Variants in UVSSA observed in about 807,000 individuals in gnomAD.
UVSSA encodes UV stimulated scaffold protein A, also known as UV-stimulated scaffold protein A.
A neutral mutation model predicts 73.9 loss-of-function variants in UVSSA; 72 were observed. The observed-to-expected ratio is 0.97, with a 90% CI of 0.81 to 1.19. UVSSA has a LOEUF of 1.19. UVSSA is among the 50% of genes most tolerant of loss of function. The pLI is 0.00. For synonymous variants in UVSSA, 454 were observed against 391.3 expected (o/e 1.16, Z -1.89); for missense variants, 1,150 against 965.0 (o/e 1.19, Z -2.54).
At position 1,351,840 on chromosome 4, in the gene UVSSA, G is replaced by C; in HGVS notation, c.550+5G>C. 1 of 1,612,728 alleles carries C rather than the reference G, an allele frequency of 6.2e-7. No individual in the cohort carries two copies. The highest frequency in any genetic ancestry group is 8.5e-7 in the Non-Finnish European group (1 of 1,179,260). On this transcript the variant is annotated splice_donor_5th_base_variant and intron_variant, in intron 4 of 13. Coordinates refer to ENST00000389851, the MANE Select transcript of UVSSA (RefSeq NM_020894.4). Reference sequence around the variant, plus strand: ...AGGCGGAGAGGGAGATGCAAGGCAAGTGTCCAGGACGGAGGGAGGGGCCCA... The same window carrying C: ...AGGCGGAGAGGGAGATGCAAGGCAACTGTCCAGGACGGAGGGAGGGGCCCA...
chr4:1,355,261 G>A lies in UVSSA; in HGVS notation c.1176+16G>A, dbSNP rs745412314. On this transcript the variant is annotated intron_variant, in intron 7 of 13. Transcript: ENST00000389851. The stretch of plus-strand genomic sequence containing the variant: ...AAGGCGCAGGGTGAGTGGGCAGGCG[G>A]CGAGCGGGAAGGGGTCCCAGAGGCC... 1.9e-6 allele frequency: 3 copies of A among 1,601,340 alleles called. No homozygotes were observed. The highest frequency in any genetic ancestry group is 3.5e-5 in the Admixed American group (2 of 57,936).
rs1294141604 is a variant in UVSSA at position 1,355,133 on chromosome 4, G to T, written c.1064G>T (p.Gly355Val). Reference sequence around the variant, plus strand: ...GTTTCGCAGCGCTTCACCCGCGTCGGGACCCACGGTGGATGTTTAAAGCGT... The same window carrying T: ...GTTTCGCAGCGCTTCACCCGCGTCGTGACCCACGGTGGATGTTTAAAGCGT... ...CSWIQRFTRV[G>V]THGGCLKRAI... The change falls in exon 7 of 14, where the codon GGG becomes GTG. Residue 355 changes from glycine (G) to valine (V), a missense_variant. Physicochemically the swap from Gly to Val is moderately radical, Grantham distance 109. Transcript: ENST00000389851. 1.2e-6 allele frequency: 2 copies of T among 1,613,766 alleles called. No homozygotes were observed. The highest frequency in any genetic ancestry group is 1.7e-6 in the Non-Finnish European group (2 of 1,179,898).
chr4:1,354,332 G>A (rs1715307217), intron 5 of UVSSA, among the ~76,000 whole-genome samples: 1 of 152,136 alleles, frequency 6.6e-6, no homozygotes, highest in African/African-American at 2.4e-5. Context: ...GCGGAGGAGA[G>A]GCCGGGGGGG....
In UVSSA at chr4:1,387,331, C is replaced by T. The variant is rs1287420982; in HGVS notation, c.*1370C>T. The T allele has an allele frequency of 6.6e-6, 1 of 152,196 alleles. No individual in the cohort carries two copies. The highest frequency in any genetic ancestry group is 2.4e-5 in the African/African-American group (1 of 41,428). The allele number at this position is 152,196 out of a possible 1,614,324, so 9.4% of individuals were successfully genotyped here. On this transcript the variant is annotated 3_prime_UTR_variant, in exon 14 of 14. Transcript: ENST00000389851. ...GACCTCGTGATCCACCCACCTCGGCCTCCCATAGTGCTGGGATTACAGGTG... is the reference window on the plus strand; with the variant it reads ...GACCTCGTGATCCACCCACCTCGGCTTCCCATAGTGCTGGGATTACAGGTG...
chr4:1,352,635 G>T (rs568380565), intron 4 of UVSSA, among the ~76,000 whole-genome samples: 162 of 152,364 alleles, frequency 1.1e-3, no homozygotes, highest in Non-Finnish European at 1.8e-3. Context: ...TGCTGAGCTG[G>T]GTGCTCTAGT....
At chr4:1,390,650 T>C (rs1720390344), downstream of UVSSA, 1 of 152,316 alleles carries the variant, frequency 6.6e-6, no homozygotes, top group Admixed American at 6.5e-5. Context: ...TCTCGTCTTT[T>C]ATATGTATTG....
At chr4:1,385,335 C>T in intron 13 of UVSSA, 2 of 159,774 alleles carry the variant, frequency 1.3e-5, no homozygotes, top group South Asian at 3.7e-4. Context: ...TCCACAGCTC[C>T]ACACCCTCGT....
At chr4:1,358,427 A>T (rs931328599) in intron 7 of UVSSA, 1 of 152,382 alleles carries the variant, frequency 6.6e-6, no homozygotes, top group East Asian at 1.9e-4. Flanking sequence ...AGTTGAATGG[A>T]CACTTTCTAG....
rs145575243 is a variant in UVSSA, at chr4:1,387,679, C to T, written c.*1718C>T. 6.6e-5 allele frequency: 10 copies of T among 152,300 alleles called. No homozygotes were observed. The East Asian group carries it at 1.2e-3, about 18-fold the overall frequency. The allele number at this position is 152,300 out of a possible 1,614,324, so 9.4% of individuals were successfully genotyped here. On this transcript the variant is annotated 3_prime_UTR_variant, in exon 14 of 14. Transcript: ENST00000389851. ...GCATGTGGATATCCAGTTGTCCCAG[C>T]ACCATTTGTTGAAAACATTATTTTT... is the stretch of plus-strand genomic sequence containing the variant.
Position 1,395,525 on chromosome 4 carries a change from T to C in UVSSA, c.*9564T>C, listed in dbSNP as rs1577397665. On this transcript the variant is annotated 3_prime_UTR_variant, in exon 14 of 14. Coordinates refer to the UVSSA transcript ENST00000511216. ...CCGCCTGCTCACACACATGCCGATG[T>C]GGAGTGCCCGCCTGCTCACACGTGC... 1 of 1,589,256 alleles carries C rather than the reference T, an allele frequency of 6.3e-7. No individual in the cohort carries two copies. The highest frequency in any genetic ancestry group is 8.5e-7 in the Non-Finnish European group (1 of 1,171,342).
intron 3 of UVSSA, among the ~76,000 whole-genome samples, chr4:1,350,147 G>A (rs1714473384): frequency 2.6e-5 from 4 of 152,188 alleles, no homozygotes; most frequent in Non-Finnish European, 2.9e-5. Flanking sequence ...AGGAGACAAA[G>A]GAAAAGCCAA....
At chr4:1,388,609 C>T (rs1181645548), downstream of UVSSA, 1 of 152,012 alleles carries the variant, frequency 6.6e-6, no homozygotes, top group Non-Finnish European at 1.5e-5. Flanking sequence ...TGTGTAGATG[C>T]TTCTATCAGG....
rs1198959272 is a variant in UVSSA at position 1,349,746 on chromosome 4, G to A, written c.321G>A (p.Gln107=). ...TGCCGCCCCCCAGGGAGGCGGCACAGAGGCTGAGGCAGGCGACCACCCGGG... is the reference window on the plus strand; with the variant it reads ...TGCCGCCCCCCAGGGAGGCGGCACAAAGGCTGAGGCAGGCGACCACCCGGG... ...QPLPPPREAA[Q]RLRQATTRAV... Residue 107 remains glutamine, a synonymous_variant, in exon 3 of 14, where the codon CAG becomes CAA. Transcript: ENST00000389851. 3.1e-6 allele frequency: 5 copies of A among 1,611,464 alleles called. No homozygotes were observed. The highest frequency in any genetic ancestry group is 1.3e-5 in the African/African-American group (1 of 74,678).
upstream of UVSSA, among the ~76,000 whole-genome samples, chr4:1,346,455 C>G (rs1447172379): frequency 6.6e-6 from 1 of 152,228 alleles, no homozygotes; most frequent in Non-Finnish European, 1.5e-5. Context: ...CGACCTCGCA[C>G]TCCCCTGCGT....
intron 10 of UVSSA, among the ~76,000 whole-genome samples, chr4:1,379,785 G>GGAGTGACTGTGT (rs1560481562): frequency 3.2e-4 from 13 of 41,152 alleles, no homozygotes; most frequent in African/African-American, 9.2e-4. Flanking sequence ...GACGCAGGCG[G>GGAGTGACTGTGT]TCGTGCCCGT....
At chr4:1,372,260 T>C (rs1415824200) in intron 8 of UVSSA, among the ~76,000 whole-genome samples, 1 of 152,218 alleles carries the variant, frequency 6.6e-6, no homozygotes, top group Non-Finnish European at 1.5e-5. Flanking sequence ...AGTCTGTCTT[T>C]CTGTTAATCT....
chr4:1,353,652 C>T (rs574375586), intron 5 of UVSSA, among the ~76,000 whole-genome samples: 33 of 152,336 alleles, frequency 2.2e-4, no homozygotes, highest in Non-Finnish European at 4.3e-4. Context: ...GCCCCCACCT[C>T]AGTGAGGCTG....
chr4:1,378,306 A>G (rs1719019475), intron 10 of UVSSA, among the ~76,000 whole-genome samples: 2 of 152,186 alleles, frequency 1.3e-5, no homozygotes, highest in Non-Finnish European at 2.9e-5. Flanking sequence ...TAATCCCAGC[A>G]CTTTGGGAGG....
upstream of UVSSA, among the ~76,000 whole-genome samples, chr4:1,346,481 T>G (rs1342536729): frequency 6.6e-6 from 1 of 152,212 alleles, no homozygotes; most frequent in Non-Finnish European, 1.5e-5. Flanking sequence ...GCTGCGGACT[T>G]CGGCGGCAGG....
Sources: allele counts gnomAD v4.1 joint callset (sites outside exome capture counted in the v4.1 genomes callset), GRCh38; gene constraint gnomAD v4.1.1; transcripts MANE v1.5; gene names NCBI Gene and HGNC (gene_info 2026-07-23, HGNC 2026-07-21).